The following PPP2R2C variants were observed in gnomAD, a reference collection of about 807,000 sequenced individuals.
PPP2R2C encodes protein phosphatase 2 regulatory subunit Bgamma.
In PPP2R2C, 10 loss-of-function variants were observed where a neutral mutation model predicts 45.3. That is an observed-to-expected ratio of 0.22 (90% CI 0.14 to 0.37). PPP2R2C has a LOEUF of 0.37. Among genes scored for constraint, PPP2R2C ranks in the 10% least tolerant of loss-of-function variants. PPP2R2C has a pLI of 1.00. For missense variants in PPP2R2C, 308 were observed against 619.7 expected, an observed-to-expected ratio of 0.50 and a Z score of 5.34; for synonymous variants, 257 against 245.4, an observed-to-expected ratio of 1.05 and a Z score of -0.44.
In PPP2R2C at chr4:6,518,920, C is replaced by CT. The variant is rs201557886; in HGVS notation, c.49+16350dup. Among the ~76,000 whole-genome samples the CT allele has an allele frequency of 4.2e-4, 12 of 28,682 alleles. 1 individual carries two copies. The highest frequency in any genetic ancestry group is 2.6e-3 in the Admixed American group (4 of 1,536). 18.8% of individuals were successfully genotyped at this position (28,682 alleles called of 152,430 possible). A position where few individuals can be genotyped will look rare whatever the true frequency, so the allele number is the denominator to read the frequency against. ...CCTGGGCAACAGAGCAAGACTCTGT[C>CT]TTAAAAAAAAAAAAAAAAAAAAAAA... On this transcript the variant is annotated intron_variant, in intron 2 of 9. Transcript: ENST00000506140.
chr4:6,486,989 G>A (rs1312656968), intron 2 of PPP2R2C, among the ~76,000 whole-genome samples: 2 of 151,788 alleles, frequency 1.3e-5, no homozygotes, highest in African/African-American at 4.8e-5. Context: ...TCTACTTTCT[G>A]GCTTCTTAGT....
chr4:6,457,553 T>C (rs544542501), intron 1 of PPP2R2C, among the ~76,000 whole-genome samples: 6 of 152,112 alleles, frequency 3.9e-5, no homozygotes, highest in African/African-American at 1.4e-4. Context: ...TTTTTATTTT[T>C]TGAAGAGACA....
At chr4:6,494,809 G>C (rs1722823241) in intron 2 of PPP2R2C, among the ~76,000 whole-genome samples, 1 of 152,188 alleles carries the variant, frequency 6.6e-6, no homozygotes, top group Non-Finnish European at 1.5e-5. Flanking sequence ...CAACGCTCAT[G>C]CAACTGCACC....
chr4:6,393,993 A>C (rs1298329168), intron 1 of PPP2R2C, among the ~76,000 whole-genome samples: 1 of 152,210 alleles, frequency 6.6e-6, no homozygotes, highest in African/African-American at 2.4e-5. Flanking sequence ...GGTCAAGGTG[A>C]GGGAGACCGA....
chr4:6,476,950 C>G (rs905912623), upstream of PPP2R2C, among the ~76,000 whole-genome samples: 3 of 152,174 alleles, frequency 2.0e-5, no homozygotes, highest in African/African-American at 7.2e-5. Flanking sequence ...TGTGGCTCAG[C>G]ATTCATGTGT....
intron 1 of PPP2R2C, 61 bp downstream of exon 1, chr4:6,472,099 G>A (rs1721929883): frequency 4.4e-6 from 7 of 1,605,748 alleles, no homozygotes; most frequent in Non-Finnish European, 6.0e-6. Flanking sequence ...GAGGGCATTC[G>A]GTGCGACGGC....
intron 2 of PPP2R2C, among the ~76,000 whole-genome samples, chr4:6,480,432 C>T (rs1722311273): frequency 6.6e-6 from 1 of 152,140 alleles, no homozygotes; most frequent in South Asian, 2.1e-4. Context: ...TAGACATCAG[C>T]CATGGCAGAG....
At chr4:6,363,927 G>A (rs1714041884) in intron 5 of PPP2R2C, among the ~76,000 whole-genome samples, 1 of 152,164 alleles carries the variant, frequency 6.6e-6, no homozygotes, top group Non-Finnish European at 1.5e-5. Flanking sequence ...TTTCCATCAA[G>A]GACTTTCTAA....
upstream of PPP2R2C, among the ~76,000 whole-genome samples, chr4:6,472,683 C>A (rs182346278): frequency 0.029 from 4,416 of 151,120 alleles, 215 homozygotes; most frequent in African/African-American, 0.1. Context: ...CTCTCCGCCC[C>A]CGCGGCCCTG....
chr4:6,524,366 T>C (rs1560602105), intron 2 of PPP2R2C, among the ~76,000 whole-genome samples: 1 of 152,142 alleles, frequency 6.6e-6, no homozygotes, highest in African/African-American at 2.4e-5. Flanking sequence ...CAACAGAAAG[T>C]GGACTCATGG....
Position 6,332,802 on chromosome 4 carries a change from G to A in PPP2R2C, c.960+760C>T, listed in dbSNP as rs1732517637. Among the ~76,000 whole-genome samples the A allele has an allele frequency of 6.6e-6, 1 of 152,100 alleles. No homozygotes were observed. Among genetic ancestry groups the A allele is most frequent in the South Asian group, 2.1e-4 (1 of 4,824 alleles). On this transcript the variant is annotated intron_variant, in intron 7 of 8. Transcript: ENST00000382599. The surrounding 1 kb of genome is among the most constrained non-coding windows in gnomAD (Gnocchi z 4.9). ...TGAGGAGTGACACGGTGAGGAACCG[G>A]CTGGGGTTTCTGGTGGGGTGTTTTC...
intron 4 of PPP2R2C, among the ~76,000 whole-genome samples, chr4:6,373,212 C>A (rs1390217966): frequency 6.6e-6 from 1 of 152,314 alleles, no homozygotes; most frequent in South Asian, 2.1e-4. Flanking sequence ...AGGACCCAAG[C>A]CTTAGGGACT....
chr4:6,428,531 G>A (rs763575435), intron 1 of PPP2R2C, among the ~76,000 whole-genome samples: 37 of 152,366 alleles, frequency 2.4e-4, no homozygotes, highest in East Asian at 9.6e-4. Flanking sequence ...AGAGTCACCC[G>A]TGACTTAAGC....
At chr4:6,550,268 A>G (rs1455424580) in intron 1 of PPP2R2C, among the ~76,000 whole-genome samples, 1 of 152,040 alleles carries the variant, frequency 6.6e-6, no homozygotes, top group Admixed American at 6.5e-5. Flanking sequence ...CACATCCCAA[A>G]GCACAGACAC....
chr4:6,439,196 A>G (rs927595499), intron 1 of PPP2R2C, among the ~76,000 whole-genome samples: 1 of 152,246 alleles, frequency 6.6e-6, no homozygotes, highest in Non-Finnish European at 1.5e-5. Context: ...CTCTCCATTA[A>G]CACTGCACAT....
chr4:6,512,653 ATGGTGGTGG>A (rs79384701), intron 2 of PPP2R2C, among the ~76,000 whole-genome samples: 2 of 123,812 alleles, frequency 1.6e-5, no homozygotes, highest in Non-Finnish European at 3.3e-5. Flanking sequence ...GATGGTGCTG[ATGGTGGTGG>A]TGGTGGTGGT....
In PPP2R2C at chr4:6,502,564, T is replaced by C. The variant is rs75319460; in HGVS notation, c.49+32707A>G. Among the ~76,000 whole-genome samples, 545 of 152,102 alleles carry C rather than the reference T, an allele frequency of 3.6e-3. 8 individuals are homozygous for C. The highest frequency in any genetic ancestry group is 0.012 in the African/African-American group (510 of 41,468). ...TTCCTTCCTTCCTTTTTCCTTCCTTTTATTCCATAACATTTATTGAGTTCC... is the reference window on the plus strand; with the variant it reads ...TTCCTTCCTTCCTTTTTCCTTCCTTCTATTCCATAACATTTATTGAGTTCC... On this transcript the variant is annotated intron_variant, in intron 2 of 9. Transcript: ENST00000506140.
rs150080496 is a variant in PPP2R2C at position 6,402,134 on chromosome 4, C to T, written c.71-21040G>A. Among the ~76,000 whole-genome samples the T allele has an allele frequency of 6.7e-3, 1,013 of 152,306 alleles. 11 individuals are homozygous for T. Among genetic ancestry groups the T allele is most frequent in the African/African-American group, 0.022 (899 of 41,556 alleles). On this transcript the variant is annotated intron_variant, in intron 1 of 8. Transcript: ENST00000382599. ...AAGAGCATGCGCTGTTGCTGTTCAT[C>T]GCCTTGAATCCACCTGGACGACTGT...
intron 2 of PPP2R2C, among the ~76,000 whole-genome samples, chr4:6,496,057 C>G (rs542046492): frequency 1.8e-4 from 27 of 152,272 alleles, no homozygotes; most frequent in African/African-American, 6.0e-4. Flanking sequence ...TCTCCCTAAC[C>G]CCCCTCTCTT....
Sources: gnomAD v4.1 joint callset for allele counts (sites outside exome capture counted in the v4.1 genomes callset) on GRCh38, gnomAD v4.1.1 for gene constraint, Gnocchi (gnomAD v3.1) non-coding constraint, MANE v1.5 for transcripts, NCBI Gene and HGNC (gene_info 2026-07-23, HGNC 2026-07-21) for gene names.